CD109: variants seen among roughly 807,000 people sequenced by gnomAD.
The protein encoded by CD109 is CD109 antigen.
In CD109, 149 loss-of-function variants were observed where a neutral mutation model predicts 165.8. The ratio of observed to expected loss-of-function variants is 0.90; its 90% CI spans 0.79 to 1.03. CD109 has a LOEUF of 1.03. Ranked by LOEUF, CD109 falls within the 50% of genes least tolerant of loss-of-function variation. CD109 has a pLI of 0.00. For missense variants in CD109, 1,712 were observed against 1,677.8 expected (o/e 1.02, Z -0.36); for synonymous variants, 585 against 592.1 (o/e 0.99, Z 0.18).
chr6:73,729,491 GTTATTATTATTATTA>G lies in CD109; in HGVS notation c.277-823_277-809del, dbSNP rs144709719. On this transcript the variant is annotated intron_variant, in intron 3 of 32. Transcript: ENST00000287097. ...AATGCTAGAAGGTAGGACTTCTATTGTTATTATTATTATTATTATTATTATTATTATTATTATTAT... is the reference window on the plus strand; with the variant it reads ...AATGCTAGAAGGTAGGACTTCTATTGTTATTATTATTATTATTATTATTAT... Among the ~76,000 whole-genome samples the G allele has an allele frequency of 2.1e-3, 305 of 142,044 alleles. 1 individual carries two copies. Among genetic ancestry groups the G allele is most frequent in the African/African-American group, 2.8e-3 (109 of 38,370 alleles). 93.2% of individuals were successfully genotyped at this position (142,044 alleles called of 152,430 possible). A position where few individuals can be genotyped will look rare whatever the true frequency, so the allele number is the denominator to read the frequency against.
chr6:73,771,408 C>A lies in CD109; in HGVS notation c.1675-21C>A. The A allele has an allele frequency of 1.9e-6, 3 of 1,579,498 alleles. No individual in the cohort carries two copies. The South Asian group carries it at 3.5e-5, about 19-fold the overall frequency. ...CTTTAAAAAAGTGAAATAAGTTAAT[C>A]CTCCTTTCTCTCTTTTTTAGATAAA... On this transcript the variant is annotated intron_variant, in intron 14 of 32. Transcript: ENST00000287097.
At chr6:73,779,311 C>T (rs6453698) in intron 15 of CD109, among the ~76,000 whole-genome samples, 58,551 of 150,106 alleles carry the variant, frequency 0.39, 11,698 homozygotes, top group African/African-American at 0.48. Context: ...TGCAATAGCG[C>T]GATCTTGGCT....
Position 73,730,397 on chromosome 6 carries a change from C to T in CD109, c.330C>T (p.Thr110=). 1 of 1,613,976 alleles carries T rather than the reference C, an allele frequency of 6.2e-7. No individual in the cohort carries two copies. Among genetic ancestry groups the T allele is most frequent in the Non-Finnish European group, 8.5e-7 (1 of 1,179,932 alleles). ...EIYELRVTGR[T]QDEILFSNST... ...ATGAGCTACGTGTAACCGGACGTAC[C>T]CAGGATGAGATTTTATTCTCTAATA... The change falls in exon 4 of 33, where the codon ACC becomes ACT. Residue 110 remains threonine (T), a synonymous_variant. Transcript: ENST00000287097.
intron 10 of CD109, among the ~76,000 whole-genome samples, chr6:73,765,717 T>C (rs1205781081): frequency 6.6e-6 from 1 of 152,050 alleles, no homozygotes; most frequent in East Asian, 1.9e-4. Context: ...GGGGGTTATT[T>C]TGGAGCCGCG....
At chr6:73,812,028 ATCACCTTGCTT>A (rs1775773548) in intron 28 of CD109, among the ~76,000 whole-genome samples, 166 bp from the exon 29 acceptor site, 1 of 152,104 alleles carries the variant, frequency 6.6e-6, no homozygotes, top group Non-Finnish European at 1.5e-5. Context: ...TTTTCCTTTC[ATCACCTTGCTT>A]ACCTATTTGA....
chr6:73,799,797 TTCTC>T (rs1333412872), intron 23 of CD109, among the ~76,000 whole-genome samples: 1 of 152,112 alleles, frequency 6.6e-6, no homozygotes, highest in Non-Finnish European at 1.5e-5. Context: ...AGACTATCTT[TTCTC>T]TCTCTCCTTT....
chr6:73,706,457 G>C lies in CD109; in HGVS notation c.247+8885G>C, dbSNP rs117254500. 4.5e-3 allele frequency among the ~76,000 whole-genome samples: 689 copies of C among 152,320 alleles called. 1 individual carries two copies. Among genetic ancestry groups the C allele is most frequent in the African/African-American group, 0.011 (476 of 41,578 alleles). Reference sequence around the variant, plus strand: ...TTGAAGCTCGAGAGGACTGGGTGGAGTTACTTTATTACTGCCATGGTTGTC... The same window carrying C: ...TTGAAGCTCGAGAGGACTGGGTGGACTTACTTTATTACTGCCATGGTTGTC... On this transcript the variant is annotated intron_variant, in intron 2 of 32. Coordinates refer to ENST00000287097, the MANE Select transcript of CD109 (RefSeq NM_133493.5).
chr6:73,684,761 G>T, the CD109 span, among the ~76,000 whole-genome samples: 3 of 151,842 alleles, frequency 2.0e-5, no homozygotes, highest in South Asian at 6.2e-4. Flanking sequence ...CATAGCTCAC[G>T]GTAACCTCAA....
intron 2 of CD109, among the ~76,000 whole-genome samples, chr6:73,698,659 C>T (rs1348404775): frequency 6.6e-6 from 1 of 152,152 alleles, no homozygotes; most frequent in Non-Finnish European, 1.5e-5. Flanking sequence ...GGTTCTTTCC[C>T]CACTGGAAGT....
Position 73,792,683 on chromosome 6 carries a change from G to T in CD109, c.2759G>T (p.Gly920Val), listed in dbSNP as rs1775014643. ...GLASLIRMPY[G>V]CGEQNMINFA... The stretch of plus-strand genomic sequence containing the variant: ...GCCTCATTGATTCGGATGCCTTATG[G>T]CTGTGGTGAACAGAACATGATAAAT... Residue 920 changes from glycine to valine, a missense_variant, in exon 23 of 33, where the codon GGC becomes GTC. Gly to Val is a moderately radical substitution (Grantham distance 109). Transcript: ENST00000287097. 3 of 1,613,140 alleles carry T rather than the reference G, an allele frequency of 1.9e-6. No homozygotes were observed. Among genetic ancestry groups the T allele is most frequent in the Non-Finnish European group, 2.5e-6 (3 of 1,179,950 alleles).
chr6:73,772,482 G>A (rs1281013079), intron 15 of CD109, among the ~76,000 whole-genome samples: 1 of 147,052 alleles, frequency 6.8e-6, no homozygotes, highest in Non-Finnish European at 1.5e-5. Context: ...CTCCAGCCTG[G>A]GTGACAGAGC....
chr6:73,775,095 G>A (rs1475364602), intron 15 of CD109, among the ~76,000 whole-genome samples: 1 of 151,984 alleles, frequency 6.6e-6, no homozygotes, highest in Non-Finnish European at 1.5e-5. Flanking sequence ...TGTTTATTGA[G>A]CCAGTGAGAA....
intron 2 of CD109, among the ~76,000 whole-genome samples, chr6:73,715,124 A>G (rs538098322): frequency 1.6e-4 from 25 of 152,036 alleles, no homozygotes; most frequent in Non-Finnish European, 2.9e-4. Context: ...GCCAGCTGTG[A>G]TGGTGCTTGC....
Position 73,768,065 on chromosome 6 carries a change from G to A in CD109, c.1508G>A (p.Arg503Lys). The A allele has an allele frequency of 1.9e-6, 3 of 1,612,916 alleles. No individual in the cohort carries two copies. Among genetic ancestry groups the A allele is most frequent in the Non-Finnish European group, 2.5e-6 (3 of 1,179,264 alleles). ...TACTGTTCTTTTCAGGTAGTATCCA[G>A]GGGACAGTTGGTGGCTGTAGGAAAA... ...LKELSYMVVSRGQLVAVGKQN... is the reference protein window; with the variant it reads ...LKELSYMVVSKGQLVAVGKQN... Residue 503 changes from arginine (R) to lysine (K), a missense_variant, in exon 14 of 33, where the codon AGG (arginine) becomes AAG (lysine). Coordinates refer to ENST00000287097, the MANE Select transcript of CD109 (RefSeq NM_133493.5).
At position 73,711,814 on chromosome 6, in the gene CD109, G is replaced by A. The variant is rs1771548136; in HGVS notation, c.248-11437G>A. 1.3e-4 allele frequency among the ~76,000 whole-genome samples: 2 copies of A among 15,242 alleles called. 1 individual carries two copies. Among genetic ancestry groups the A allele is most frequent in the Non-Finnish European group, 7.0e-4 (2 of 2,854 alleles). 10.0% of individuals were successfully genotyped at this position (15,242 alleles called of 152,430 possible). The stretch of plus-strand genomic sequence containing the variant: ...GGCCTCCCAAAGTGCTGGGATTACA[G>A]GCGTGAGCCACCGCGCCCGGCCTAA... On this transcript the variant is annotated intron_variant, in intron 2 of 32. Transcript: ENST00000287097.
intron 7 of CD109, among the ~76,000 whole-genome samples, 159 bp downstream of exon 7, chr6:73,759,187 A>G (rs1180646260): frequency 6.6e-6 from 1 of 152,206 alleles, no homozygotes; most frequent in Non-Finnish European, 1.5e-5. Context: ...AGCATGGGAC[A>G]GAGCTCCACA....
Position 73,731,163 on chromosome 6 carries a change from C to T in CD109, c.507+589C>T, listed in dbSNP as rs112887389. On this transcript the variant is annotated intron_variant, in intron 4 of 32. Transcript: ENST00000287097. ...CTTGGTTCAAGCGATTCTCCTGCCT[C>T]AGCCTCCTGAGTAGCTGGGATTATA... is the stretch of plus-strand genomic sequence containing the variant. Among the ~76,000 whole-genome samples, 48 of 152,256 alleles carry T rather than the reference C, an allele frequency of 3.2e-4. 5 individuals carry two copies. The highest frequency in any genetic ancestry group is 1.2e-3 in the African/African-American group (48 of 41,574).
chr6:73,808,264 C>T lies in CD109; in HGVS notation c.3355+16C>T. ...GAACAAGAAGGTAATGTGCTGGGCC[C>T]ACTTGAGGTTGTTATGCTTTATGAA... On this transcript the variant is annotated intron_variant, in intron 26 of 32. Transcript: ENST00000287097. The T allele has an allele frequency of 6.3e-7, 1 of 1,593,674 alleles. No homozygotes were observed.
chr6:73,712,970 C>T (rs1205290028), intron 2 of CD109, among the ~76,000 whole-genome samples: 1 of 152,116 alleles, frequency 6.6e-6, no homozygotes, highest in Non-Finnish European at 1.5e-5. Context: ...AATGGAGCCT[C>T]GCCAAAAGGG....
Sources: allele counts gnomAD v4.1 joint callset (sites outside exome capture counted in the v4.1 genomes callset), GRCh38; gene constraint gnomAD v4.1.1; transcripts MANE v1.5; gene names NCBI Gene and HGNC (gene_info 2026-07-23, HGNC 2026-07-21).